Variants in ASIC2 observed in about 807,000 individuals in gnomAD.
ASIC2 encodes the protein acid sensing ion channel subunit 2, also known as acid-sensing ion channel 2.
In ASIC2, 25 loss-of-function variants were observed where a neutral mutation model predicts 57.3. The observed-to-expected ratio is 0.44, with a 90% CI of 0.32 to 0.61. The LOEUF is 0.61. Ranked by LOEUF, ASIC2 falls within the 20% of genes least tolerant of loss-of-function variation. The pLI, the probability that ASIC2 is intolerant of heterozygous loss-of-function variation, is 0.06. For missense variants in ASIC2, 641 were observed against 738.1 expected, an observed-to-expected ratio of 0.87 and a Z score of 1.52; for synonymous variants, 319 against 307.5, an observed-to-expected ratio of 1.04 and a Z score of -0.39.
At chr17:33,348,189 T>A (rs550031722) in intron 1 of ASIC2, among the ~76,000 whole-genome samples, 1 of 152,272 alleles carries the variant, frequency 6.6e-6, no homozygotes, top group African/African-American at 2.4e-5. Flanking sequence ...CTACGTGGAT[T>A]TAGCAGTCGC....
intron 1 of ASIC2, among the ~76,000 whole-genome samples, chr17:33,781,570 T>C (rs944267101): frequency 1.3e-5 from 2 of 152,112 alleles, no homozygotes; most frequent in African/African-American, 4.8e-5. Context: ...TTGGACATGA[T>C]AGTCATGAAA....
chr17:33,524,464 G>A (rs1456777232), intron 1 of ASIC2, among the ~76,000 whole-genome samples: 2 of 152,192 alleles, frequency 1.3e-5, no homozygotes, highest in Non-Finnish European at 1.5e-5. Context: ...CAGGTATGAT[G>A]GAAATGAGAA....
intron 1 of ASIC2, chr17:34,071,146 T>G (rs1240505481): frequency 6.6e-6 from 1 of 152,222 alleles, no homozygotes; most frequent in Non-Finnish European, 1.5e-5. Context: ...GAATTGTGAT[T>G]AGGCCAGATA....
At chr17:34,113,051 A>G (rs1429295319) in intron 1 of ASIC2, among the ~76,000 whole-genome samples, 1 of 152,112 alleles carries the variant, frequency 6.6e-6, no homozygotes, top group African/African-American at 2.4e-5. Flanking sequence ...TCAAGTAACC[A>G]ACAGTATTTT....
At chr17:33,482,585 G>A (rs933084770) in intron 1 of ASIC2, among the ~76,000 whole-genome samples, 3 of 152,154 alleles carry the variant, frequency 2.0e-5, no homozygotes, top group Admixed American at 1.3e-4. Flanking sequence ...TGGGAGATGG[G>A]GATATCTGCT....
At chr17:33,647,145 T>C (rs553959050) in intron 1 of ASIC2, among the ~76,000 whole-genome samples, 2 of 152,224 alleles carry the variant, frequency 1.3e-5, no homozygotes, top group East Asian at 1.9e-4. Flanking sequence ...AAAGATGCCA[T>C]GGAAAGCACC....
chr17:33,122,456 G>A (rs139913443), intron 1 of ASIC2, among the ~76,000 whole-genome samples: 30 of 152,228 alleles, frequency 2.0e-4, no homozygotes, highest in African/African-American at 7.0e-4. Context: ...TGATATCTGA[G>A]CTCCTATAGG....
intron 1 of ASIC2, among the ~76,000 whole-genome samples, chr17:33,415,206 G>A (rs1029546876): frequency 2.4e-4 from 37 of 151,384 alleles, no homozygotes; most frequent in Admixed American, 8.5e-4. Flanking sequence ...TAGAGTCATC[G>A]CTTGGAATCT....
At chr17:33,618,167 C>CA (rs1314931831) in intron 1 of ASIC2, among the ~76,000 whole-genome samples, 4 of 151,882 alleles carry the variant, frequency 2.6e-5, no homozygotes, top group Admixed American at 1.3e-4. Context: ...GCTTGTATGA[C>CA]AATGGACTGT....
chr17:33,777,016 C>T (rs963681234), intron 1 of ASIC2, among the ~76,000 whole-genome samples: 4 of 152,190 alleles, frequency 2.6e-5, no homozygotes, highest in African/African-American at 9.6e-5. Flanking sequence ...CCCATTACCA[C>T]CAAGCCGATG....
intron 1 of ASIC2, among the ~76,000 whole-genome samples, chr17:33,436,982 CA>C (rs1265894920): frequency 6.7e-6 from 1 of 150,144 alleles, no homozygotes; most frequent in Non-Finnish European, 1.5e-5. Flanking sequence ...TCTCCTGCCT[CA>C]GCCTCCCGAG....
At chr17:33,901,177 G>A (rs944597794) in intron 1 of ASIC2, among the ~76,000 whole-genome samples, 12 of 152,120 alleles carry the variant, frequency 7.9e-5, no homozygotes, top group Admixed American at 3.9e-4. Context: ...GTCTTTGGGC[G>A]TCTCTTTCTC....
At chr17:33,747,222 CTTTTTTTTTT>C (rs61564362) in intron 1 of ASIC2, among the ~76,000 whole-genome samples, 1 of 116,810 alleles carries the variant, frequency 8.6e-6, no homozygotes, top group African/African-American at 3.4e-5. Flanking sequence ...ATCCAGCCGT[CTTTTTTTTTT>C]TTTTTTTTTT....
chr17:33,256,008 C>T (rs1176202738), intron 1 of ASIC2, among the ~76,000 whole-genome samples: 2 of 152,012 alleles, frequency 1.3e-5, no homozygotes, highest in Non-Finnish European at 2.9e-5. Flanking sequence ...TTAATTCACA[C>T]TAGGAAAAAA....
chr17:33,028,934 G>C (rs995224846), intron 3 of ASIC2, among the ~76,000 whole-genome samples: 6 of 152,198 alleles, frequency 3.9e-5, no homozygotes, highest in African/African-American at 1.4e-4. Flanking sequence ...CTGGACTAGA[G>C]AGACTTTCCA....
Position 33,610,054 on chromosome 17 carries a change from G to GCGCGCACA in ASIC2, c.556-497988_556-497987insTGTGCGCG, listed in dbSNP as rs375575593. ...CTTCACTGGGACCCTGGACAGAGGCGCACACACACACACACACACACACAC... is the reference window on the plus strand; with the variant it reads ...CTTCACTGGGACCCTGGACAGAGGCGCGCGCACACACACACACACACACACACACACAC... On this transcript the variant is annotated intron_variant, in intron 1 of 9. Coordinates refer to the ASIC2 transcript ENST00000359872. 6.0e-3 allele frequency among the ~76,000 whole-genome samples: 873 copies of GCGCGCACA among 144,840 alleles called. 5 individuals are homozygous for GCGCGCACA. Among genetic ancestry groups the GCGCGCACA allele is most frequent in the African/African-American group, 0.021 (825 of 38,430 alleles).
intron 1 of ASIC2, among the ~76,000 whole-genome samples, chr17:33,643,117 G>A (rs946550579): frequency 2.7e-5 from 4 of 150,798 alleles, no homozygotes; most frequent in East Asian, 2.0e-4. Context: ...TTATGCATAC[G>A]ATGTATTTTA....
chr17:33,167,204 C>T (rs927081211), intron 1 of ASIC2, among the ~76,000 whole-genome samples: 4 of 152,104 alleles, frequency 2.6e-5, no homozygotes, highest in Non-Finnish European at 5.9e-5. Flanking sequence ...ATCACCAGCC[C>T]CTGGTCCCAT....
chr17:33,046,269 C>T (rs921736916), intron 3 of ASIC2, among the ~76,000 whole-genome samples: 65 of 152,304 alleles, frequency 4.3e-4, no homozygotes, highest in African/African-American at 1.5e-3. Flanking sequence ...CATTCACTAT[C>T]TCTTTTGGAA....
Sources: allele counts gnomAD v4.1 joint callset (sites outside exome capture counted in the v4.1 genomes callset), GRCh38; gene constraint gnomAD v4.1.1; transcripts MANE v1.5; gene names NCBI Gene and HGNC (gene_info 2026-07-23, HGNC 2026-07-21).